RNF150: variants seen among roughly 807,000 people sequenced by gnomAD.
RNF150 encodes ring finger protein 150.
Under a neutral mutation model 39.3 loss-of-function variants are expected in RNF150, and 24 were observed. That is an observed-to-expected ratio of 0.61 (90% CI 0.44 to 0.86). The LOEUF (loss-of-function observed/expected upper bound fraction) is 0.86, where lower values mean the gene tolerates loss of function less well. Ranked by LOEUF, RNF150 falls within the 40% of genes least tolerant of loss-of-function variation. RNF150 has a pLI of 0.00. For synonymous variants in RNF150, 255 were observed against 227.3 expected, an observed-to-expected ratio of 1.12 and a Z score of -1.10; for missense variants, 502 against 587.8, an observed-to-expected ratio of 0.85 and a Z score of 1.51.
intron 1 of RNF150, among the ~76,000 whole-genome samples, chr4:141,079,424 T>G (rs757677040): frequency 6.6e-6 from 1 of 152,220 alleles, no homozygotes; most frequent in Admixed American, 6.5e-5. Flanking sequence ...AGTGATCAAT[T>G]GGTAGAGTAA....
intron 1 of RNF150, among the ~76,000 whole-genome samples, chr4:141,057,031 TA>T (rs1737004067): frequency 6.6e-6 from 1 of 152,178 alleles, no homozygotes; most frequent in East Asian, 1.9e-4. Context: ...GCAAATTATT[TA>T]ACCTCTCTGT....
rs373577466 is a variant in RNF150 at position 141,068,068 on chromosome 4, C to A, written c.484+64257G>T. The stretch of plus-strand genomic sequence containing the variant: ...TCAAGCAATTCTTGTGCCTCAGTCT[C>A]CTGAGTAGCTGGGACTCCAAGTATG... On this transcript the variant is annotated intron_variant, in intron 1 of 6. Coordinates refer to ENST00000515673, the MANE Select transcript of RNF150 (RefSeq NM_020724.2). Among the ~76,000 whole-genome samples the A allele has an allele frequency of 1.8e-4, 27 of 152,056 alleles. No individual in the cohort carries two copies. The South Asian group carries it at 5.6e-3, about 32-fold the overall frequency.
At chr4:140,874,884 T>G (rs373581758) in intron 6 of RNF150, among the ~76,000 whole-genome samples, 3 of 152,314 alleles carry the variant, frequency 2.0e-5, no homozygotes, top group East Asian at 1.9e-4. Flanking sequence ...GGGCTGGTCT[T>G]GAACTTCTGA....
intron 1 of RNF150, among the ~76,000 whole-genome samples, chr4:141,166,178 G>T (rs1391211896): frequency 6.6e-6 from 1 of 152,148 alleles, no homozygotes; most frequent in African/African-American, 2.4e-5. Context: ...ACACCTCTAT[G>T]CAAATAAACT....
intron 1 of RNF150, among the ~76,000 whole-genome samples, chr4:140,990,607 T>A (rs1319794806): frequency 2.0e-5 from 3 of 152,214 alleles, no homozygotes; most frequent in African/African-American, 7.2e-5. Context: ...TGTTCCTCCA[T>A]TAGTTTGCTG....
chr4:140,922,160 G>A (rs1220204949), intron 5 of RNF150, among the ~76,000 whole-genome samples: 1 of 151,774 alleles, frequency 6.6e-6, no homozygotes. Flanking sequence ...ATTCAATTAG[G>A]AAAAGAGGAA....
chr4:141,010,674 G>A (rs759359012), intron 1 of RNF150, among the ~76,000 whole-genome samples: 1 of 152,120 alleles, frequency 6.6e-6, no homozygotes, highest in Non-Finnish European at 1.5e-5. Context: ...GCGTGAGCAT[G>A]TGTGGACAGC....
At chr4:141,085,059 C>A (rs1404658250) in intron 1 of RNF150, among the ~76,000 whole-genome samples, 1 of 152,022 alleles carries the variant, frequency 6.6e-6, no homozygotes, top group East Asian at 1.9e-4. Flanking sequence ...GAAGAAATAC[C>A]CGAGACTGGG....
chr4:141,052,962 T>A (rs552489595), intron 1 of RNF150, among the ~76,000 whole-genome samples: 10 of 152,184 alleles, frequency 6.6e-5, no homozygotes, highest in Admixed American at 2.6e-4. Flanking sequence ...CTCTCAGACA[T>A]GTACATGGCT....
intron 1 of RNF150, among the ~76,000 whole-genome samples, chr4:141,204,501 A>G (rs1357628865): frequency 6.6e-6 from 1 of 152,162 alleles, no homozygotes; most frequent in Non-Finnish European, 1.5e-5. Context: ...AGTAGACACT[A>G]AAGAAGTACA....
At chr4:141,197,146 T>A (rs1251492687) in intron 1 of RNF150, among the ~76,000 whole-genome samples, 5 of 152,212 alleles carry the variant, frequency 3.3e-5, no homozygotes, top group African/African-American at 9.6e-5. Flanking sequence ...AGGCTGAAAT[T>A]TTTATTTTAT....
At chr4:140,920,382 TG>T (rs949191571) in intron 5 of RNF150, among the ~76,000 whole-genome samples, 2 of 147,242 alleles carry the variant, frequency 1.4e-5, no homozygotes, top group African/African-American at 5.0e-5. Flanking sequence ...GCAAAGGACA[TG>T]AACAGACACT....
intron 6 of RNF150, among the ~76,000 whole-genome samples, chr4:140,905,467 T>A (rs1027768090): frequency 6.6e-6 from 1 of 152,026 alleles, no homozygotes; most frequent in Non-Finnish European, 1.5e-5. Context: ...TTGCCAGATG[T>A]GCAATGAAAT....
At chr4:140,971,438 A>G (rs1423423835) in intron 1 of RNF150, among the ~76,000 whole-genome samples, 1 of 152,148 alleles carries the variant, frequency 6.6e-6, no homozygotes, top group Non-Finnish European at 1.5e-5. Flanking sequence ...AGGTCCGGCT[A>G]TTTGGGCAAT....
intron 1 of RNF150, among the ~76,000 whole-genome samples, chr4:140,997,690 GTGTGTGTATATATACACACACATATA>G (rs1385925007): frequency 1.1e-4 from 15 of 139,774 alleles, no homozygotes; most frequent in East Asian, 1.9e-4. Flanking sequence ...ACTCCAGCCT[GTGTGTGTATATATACACACACATATA>G]TGTGTGTATA....
At chr4:141,199,325 A>T (rs970012098) in intron 1 of RNF150, among the ~76,000 whole-genome samples, 4 of 152,220 alleles carry the variant, frequency 2.6e-5, no homozygotes, top group Non-Finnish European at 5.9e-5. Context: ...TCTTATTAAG[A>T]CACACTTACC....
chr4:141,169,771 T>C (rs1330691827), intron 1 of RNF150, among the ~76,000 whole-genome samples: 1 of 152,166 alleles, frequency 6.6e-6, no homozygotes, highest in Admixed American at 6.6e-5. Context: ...CCATTCTTTT[T>C]TTTTTACATT....
chr4:140,893,617 A>G (rs1303352678), intron 6 of RNF150, among the ~76,000 whole-genome samples: 1 of 152,178 alleles, frequency 6.6e-6, no homozygotes, highest in Non-Finnish European at 1.5e-5. Context: ...TTTCTCTTTT[A>G]GAACCATGCT....
intron 1 of RNF150, among the ~76,000 whole-genome samples, chr4:141,051,284 A>T (rs1364447498): frequency 6.6e-6 from 1 of 152,140 alleles, no homozygotes; most frequent in African/African-American, 2.4e-5. Flanking sequence ...GACCTCTGAC[A>T]TGCCCTGGAG....
Sources: allele counts gnomAD v4.1 joint callset (sites outside exome capture counted in the v4.1 genomes callset), GRCh38; gene constraint gnomAD v4.1.1; transcripts MANE v1.5; gene names NCBI Gene and HGNC (gene_info 2026-07-23, HGNC 2026-07-21).